CCL25: variants seen among roughly 807,000 people sequenced by gnomAD.
CCL25 encodes the protein C-C motif chemokine ligand 25, also known as C-C motif chemokine 25.
CCL25 carries 14 observed loss-of-function variants against 19.9 expected under a neutral mutation model. The observed-to-expected ratio is 0.70, with a 90% CI of 0.47 to 1.10. The LOEUF is 1.10. CCL25 is among the 50% of genes least tolerant of loss of function. CCL25 has a pLI of 0.00. For missense variants in CCL25, 151 were observed against 181.2 expected, an observed-to-expected ratio of 0.83 and a Z score of 0.96; for synonymous variants, 68 against 73.2, an observed-to-expected ratio of 0.93 and a Z score of 0.36.
In CCL25 at chr19:8,058,052, C is replaced by T. The variant is rs571209944; in HGVS notation, c.445+132C>T. 1.2e-5 allele frequency: 17 copies of T among 1,417,528 alleles called. No individual in the cohort carries two copies. In the African/African-American group the frequency reaches 1.5e-4, roughly 12 times the overall value. 87.8% of individuals were successfully genotyped at this position (1,417,528 alleles called of 1,614,324 possible). On this transcript the variant is annotated intron_variant, in intron 5 of 5. Transcript: ENST00000315626. Reference sequence around the variant, plus strand: ...GGAGAGGTGGTTGTGCGGTCAGTGCCGCAGATTCACAGGGGAGGGTCCTCG... The same window carrying T: ...GGAGAGGTGGTTGTGCGGTCAGTGCTGCAGATTCACAGGGGAGGGTCCTCG...
Position 8,053,004 on chromosome 19 carries a change from C to G in CCL25, c.-46C>G. 1 of 1,411,634 alleles carries G rather than the reference C, an allele frequency of 7.1e-7. No homozygotes were observed. Among genetic ancestry groups the G allele is most frequent in the South Asian group, 1.3e-5 (1 of 78,926 alleles). The allele number at this position is 1,411,634 out of a possible 1,614,324, so 87.4% of individuals were successfully genotyped here. A position where few individuals can be genotyped will look rare whatever the true frequency, so the allele number is the denominator to read the frequency against. ...CACTTCCCTCCACGACCCCAGGTGG[C>G]CCCGTTATTCGTCCAGGTGCCCAGG... On this transcript the variant is annotated 5_prime_UTR_variant, in exon 2 of 6. Transcript: ENST00000315626.
chr19:8,058,180 C>T (rs1475636727), intron 5 of CCL25, among the ~76,000 whole-genome samples: 1 of 151,170 alleles, frequency 6.6e-6, no homozygotes, highest in Non-Finnish European at 1.5e-5. Context: ...CCAAAGCCAG[C>T]AATTCTCCAG....
chr19:8,059,158 ATAATATATAAT>A (rs1378357813), intron 5 of CCL25, among the ~76,000 whole-genome samples: 1 of 39,658 alleles, frequency 2.5e-5, no homozygotes, highest in Non-Finnish European at 4.9e-5. Flanking sequence ...TATAATATAT[ATAATATATAAT>A]ATATATAATA....
At position 8,062,566 on chromosome 19, in the gene CCL25, C is replaced by T. The variant is rs908168041; in HGVS notation, c.*341C>T. 3 of 340,156 alleles carry T rather than the reference C, an allele frequency of 8.8e-6. No individual in the cohort carries two copies. Among genetic ancestry groups the T allele is most frequent in the Middle Eastern group, 8.3e-4 (1 of 1,204 alleles). 21.1% of individuals were successfully genotyped at this position (340,156 alleles called of 1,614,324 possible). On this transcript the variant is annotated 3_prime_UTR_variant, in exon 6 of 6. Coordinates refer to ENST00000315626, the MANE Select transcript of CCL25 (RefSeq NM_005624.4). Reference sequence around the variant, plus strand: ...GCCAGTGTGTCCCTCTGGGTCCCTCCAAAACTCTGGTCAGTTCAAGGATGC... The same window carrying T: ...GCCAGTGTGTCCCTCTGGGTCCCTCTAAAACTCTGGTCAGTTCAAGGATGC...
At chr19:8,057,516 A>C (rs2081281175) in intron 4 of CCL25, among the ~76,000 whole-genome samples, 2 of 151,890 alleles carry the variant, frequency 1.3e-5, no homozygotes, top group Non-Finnish European at 2.9e-5. Context: ...TTCATTTTGC[A>C]GAGACAGGTT....
intron 5 of CCL25, among the ~76,000 whole-genome samples, chr19:8,060,982 ATTTTTT>A (rs68112327): frequency 1.1e-5 from 1 of 95,166 alleles, no homozygotes; most frequent in Non-Finnish European, 2.0e-5. Context: ...GCCCGGCCTA[ATTTTTT>A]TTTTTTTTTT....
intron 5 of CCL25, among the ~76,000 whole-genome samples, chr19:8,059,126 T>A (rs1191462921): frequency 1.0e-5 from 1 of 100,358 alleles, no homozygotes; most frequent in African/African-American, 4.1e-5. Context: ...TATAAATATA[T>A]ATAAATATAT....
rs760066069 is a variant in CCL25, at chr19:8,053,086, T to C, written c.37T>C (p.Phe13Leu). ...GCTCCTGGCCTGCCTGGTGGCCGGC[T>C]TCCTGGGAGCCTGGGCCCCCGCTGT... ...LWLLACLVAG[F>L]LGAWAPAVHT... The change falls in exon 2 of 6, where the codon TTC (phenylalanine) becomes CTC (leucine). Residue 13 changes from phenylalanine (F) to leucine (L), a missense_variant. Phe to Leu is a conservative substitution (Grantham distance 22). Transcript: ENST00000315626. 2.6e-6 allele frequency: 4 copies of C among 1,556,702 alleles called. No homozygotes were observed. The highest frequency in any genetic ancestry group is 3.5e-6 in the Non-Finnish European group (4 of 1,149,998).
intron 2 of CCL25, among the ~76,000 whole-genome samples, chr19:8,054,999 G>T (rs879488040): frequency 6.7e-6 from 1 of 150,358 alleles, no homozygotes; most frequent in Non-Finnish European, 1.5e-5. Flanking sequence ...GATTAAAAGC[G>T]CCCACTATCA....
At chr19:8,056,532 C>A (rs754304529) in intron 4 of CCL25, 33 bp downstream of exon 4, 13 of 1,611,272 alleles carry the variant, frequency 8.1e-6, no homozygotes, top group Admixed American at 5.0e-5. Context: ...ATCTAGGGGG[C>A]CTGCCCTCCC....
intron 5 of CCL25, among the ~76,000 whole-genome samples, chr19:8,059,751 G>A (rs1000798615): frequency 2.0e-5 from 3 of 152,106 alleles, no homozygotes; most frequent in Non-Finnish European, 4.4e-5. Context: ...GGTGGCTCAC[G>A]CCTGTAATCC....
intron 4 of CCL25, among the ~76,000 whole-genome samples, chr19:8,057,326 C>CATTATT (rs369008080): frequency 1.4e-5 from 2 of 146,344 alleles, no homozygotes; most frequent in African/African-American, 5.1e-5. Flanking sequence ...GGCTCCAGCT[C>CATTATT]ATTATTATTA....
At chr19:8,057,099 C>G (rs1414717968) in intron 4 of CCL25, among the ~76,000 whole-genome samples, 1 of 152,062 alleles carries the variant, frequency 6.6e-6, no homozygotes, top group African/African-American at 2.4e-5. Context: ...CGGCTCACTG[C>G]AACCTCTGCC....
intron 2 of CCL25, among the ~76,000 whole-genome samples, chr19:8,053,752 T>G (rs1174227578): frequency 6.6e-6 from 1 of 152,048 alleles, no homozygotes; most frequent in African/African-American, 2.4e-5. Flanking sequence ...TTTCACTATG[T>G]TGGCCAGAGT....
chr19:8,056,669 A>T (rs2081274946), intron 4 of CCL25, among the ~76,000 whole-genome samples, 170 bp downstream of exon 4: 1 of 152,174 alleles, frequency 6.6e-6, no homozygotes, highest in Admixed American at 6.5e-5. Flanking sequence ...TGACCAACTG[A>T]TTGAGTCATT....
At chr19:8,057,252 T>A (rs956979409) in intron 4 of CCL25, among the ~76,000 whole-genome samples, 5 of 152,102 alleles carry the variant, frequency 3.3e-5, no homozygotes, top group African/African-American at 1.2e-4. Context: ...ACTCCTGACC[T>A]CAGATGATCT....
At chr19:8,062,027 C>G (rs990205752) in intron 5 of CCL25, among the ~76,000 whole-genome samples, 191 bp from the exon 6 acceptor site, 2 of 129,516 alleles carry the variant, frequency 1.5e-5, no homozygotes, top group South Asian at 4.8e-4. Context: ...TCCAGTCTGG[C>G]GACAGAGCGA....
chr19:8,058,474 TAATA>T (rs1233540081), intron 5 of CCL25, among the ~76,000 whole-genome samples: 2 of 111,810 alleles, frequency 1.8e-5, no homozygotes, highest in Non-Finnish European at 3.5e-5. Flanking sequence ...AGTAAATATA[TAATA>T]TATAAATATA....
chr19:8,059,084 AAT>A (rs71165266), intron 5 of CCL25, among the ~76,000 whole-genome samples: 71,595 of 107,930 alleles, frequency 0.66, 22,577 homozygotes, highest in South Asian at 0.81. Context: ...TAATATATAT[AAT>A]ATATATAATG....
Sources: gnomAD v4.1 joint callset for allele counts (sites outside exome capture counted in the v4.1 genomes callset) on GRCh38, gnomAD v4.1.1 for gene constraint, MANE v1.5 for transcripts, NCBI Gene and HGNC (gene_info 2026-07-23, HGNC 2026-07-21) for gene names.